The following ZMYM4 variants were observed in gnomAD, a reference collection of about 807,000 sequenced individuals.
ZMYM4 encodes the protein zinc finger MYM-type protein 4.
In ZMYM4, 31 loss-of-function variants were observed where a neutral mutation model predicts 183.2. The observed-to-expected ratio is 0.17, with a 90% CI of 0.13 to 0.23. The LOEUF is 0.23. ZMYM4 is among the 10% of genes least tolerant of loss of function. The pLI, the probability that ZMYM4 is intolerant of heterozygous loss-of-function variation, is 1.00. For synonymous variants in ZMYM4, 592 were observed against 631.2 expected (o/e 0.94, Z 0.93); for missense variants, 1,273 against 1,840.3 (o/e 0.69, Z 5.64).
At chr1:35,278,942 AT>A (rs1271194874) in intron 1 of ZMYM4, among the ~76,000 whole-genome samples, 1 of 152,198 alleles carries the variant, frequency 6.6e-6, no homozygotes, top group Non-Finnish European at 1.5e-5. Context: ...AGACATTCCC[AT>A]TCAAAAGGAA....
At chr1:35,306,646 G>C (rs1233899352) in intron 1 of ZMYM4, among the ~76,000 whole-genome samples, 1 of 152,092 alleles carries the variant, frequency 6.6e-6, no homozygotes, top group Non-Finnish European at 1.5e-5. Context: ...GTAACCATAT[G>C]ATAAAGTTCA....
At chr1:35,370,727 CTTTTTT>C (rs3066096) in intron 7 of ZMYM4, 100 bp downstream of exon 7, 109 of 283,448 alleles carry the variant, frequency 3.8e-4, no homozygotes, top group Middle Eastern at 1.3e-3. Flanking sequence ...ACATTTATTC[CTTTTTT>C]TTTTTTTTTT....
chr1:35,364,051 T>C (rs183423017), intron 5 of ZMYM4, among the ~76,000 whole-genome samples: 121 of 152,296 alleles, frequency 7.9e-4, no homozygotes, highest in African/African-American at 2.0e-3. Flanking sequence ...AATCAGAGGT[T>C]CCAGTGGCTG....
At chr1:35,343,578 A>G (rs1558041015) in intron 2 of ZMYM4, among the ~76,000 whole-genome samples, 1 of 152,140 alleles carries the variant, frequency 6.6e-6, no homozygotes. Flanking sequence ...TTAAATCAGA[A>G]GTTTGGCTGG....
chr1:35,387,561 G>A lies in ZMYM4; in HGVS notation c.2220G>A (p.Glu740=), dbSNP rs750155951. Residue 740 remains glutamate, a synonymous_variant, in exon 13 of 30, where the codon GAG becomes GAA. Transcript: ENST00000314607. ...GTAAAATTGAGAAAATTGTAAAGGAGACTGTTCGGTTCTCAGGTGCTGACA... is the reference window on the plus strand; with the variant it reads ...GTAAAATTGAGAAAATTGTAAAGGAAACTGTTCGGTTCTCAGGTGCTGACA... ...EYCKIEKIVK[E]TVRFSGADKS... is the part of the protein sequence containing the mutation. 4 of 1,613,658 alleles carry A rather than the reference G, an allele frequency of 2.5e-6. No individual in the cohort carries two copies. Among genetic ancestry groups the A allele is most frequent in the Admixed American group, 1.7e-5 (1 of 59,948 alleles).
At chr1:35,350,517 C>T (rs1444561712) in intron 2 of ZMYM4, among the ~76,000 whole-genome samples, 1 of 152,172 alleles carries the variant, frequency 6.6e-6, no homozygotes, top group African/African-American at 2.4e-5. Flanking sequence ...GAACTCCTGA[C>T]CTCAGGTAAT....
intron 7 of ZMYM4, among the ~76,000 whole-genome samples, chr1:35,371,061 CAG>C (rs1491152923): frequency 5.7e-4 from 69 of 121,266 alleles, no homozygotes; most frequent in African/African-American, 8.8e-4. Context: ...AAATGGCTTC[CAG>C]TGTGTGTGTG....
chr1:35,362,997 C>T (rs1381445766), intron 5 of ZMYM4, among the ~76,000 whole-genome samples: 1 of 152,184 alleles, frequency 6.6e-6, no homozygotes, highest in Non-Finnish European at 1.5e-5. Flanking sequence ...CTGGTGAAAT[C>T]CCATCTCTAC....
At chr1:35,276,390 C>T (rs1222899735) in intron 1 of ZMYM4, among the ~76,000 whole-genome samples, 1 of 151,804 alleles carries the variant, frequency 6.6e-6, no homozygotes. Context: ...TAAATACTTC[C>T]GTGTGTATTT....
intron 1 of ZMYM4, among the ~76,000 whole-genome samples, chr1:35,301,545 C>CAAA (rs531815209): frequency 1.2e-5 from 1 of 80,658 alleles, no homozygotes; most frequent in African/African-American, 4.8e-5. Flanking sequence ...GAGGGTGTCT[C>CAAA]AAAAAAAAAA....
intron 1 of ZMYM4, among the ~76,000 whole-genome samples, chr1:35,284,126 G>A (rs1270953958): frequency 6.6e-6 from 1 of 151,700 alleles, no homozygotes; most frequent in East Asian, 1.9e-4. Context: ...ACAGGTGCCC[G>A]CCACCGCGCC....
intron 15 of ZMYM4, among the ~76,000 whole-genome samples, chr1:35,391,900 G>T (rs1339274470): frequency 1.3e-5 from 2 of 151,230 alleles, no homozygotes; most frequent in Admixed American, 1.3e-4. Flanking sequence ...AATTAGCTGG[G>T]TGTGGTGCTG....
intron 2 of ZMYM4, among the ~76,000 whole-genome samples, chr1:35,356,478 A>G (rs1027136658): frequency 2.0e-5 from 3 of 152,174 alleles, no homozygotes; most frequent in African/African-American, 7.2e-5. Flanking sequence ...TGTTGTCTCA[A>G]TTGATTATTT....
intron 7 of ZMYM4, 172 bp downstream of exon 7, chr1:35,370,799 C>G: frequency 2.7e-6 from 2 of 742,416 alleles, no homozygotes; most frequent in Admixed American, 5.6e-5. Flanking sequence ...GCTTTTCAGT[C>G]TTCCAGGTGC....
chr1:35,410,977 G>A (rs971022572), intron 26 of ZMYM4, among the ~76,000 whole-genome samples: 4 of 151,548 alleles, frequency 2.6e-5, no homozygotes, highest in African/African-American at 7.3e-5. Flanking sequence ...TATTTAGGTC[G>A]TTCATTTATT....
At chr1:35,409,536 A>T (rs1179946268) in intron 26 of ZMYM4, among the ~76,000 whole-genome samples, 1 of 152,054 alleles carries the variant, frequency 6.6e-6, no homozygotes, top group Non-Finnish European at 1.5e-5. Flanking sequence ...GACATTGGGA[A>T]TCTTTTTGTG....
intron 1 of ZMYM4, among the ~76,000 whole-genome samples, chr1:35,272,832 C>T (rs1639682262): frequency 6.6e-6 from 1 of 152,160 alleles, no homozygotes; most frequent in African/African-American, 2.4e-5. Context: ...CCTCAGCCTC[C>T]CGAGTAGCTG....
intron 1 of ZMYM4, among the ~76,000 whole-genome samples, chr1:35,299,732 C>G (rs1641187583): frequency 6.6e-6 from 1 of 151,816 alleles, no homozygotes; most frequent in Non-Finnish European, 1.5e-5. Context: ...CAAAGTTACA[C>G]TCTTATGCAA....
At chr1:35,366,016 A>G (rs1016888039) in intron 5 of ZMYM4, 2 of 152,210 alleles carry the variant, frequency 1.3e-5, no homozygotes, top group Non-Finnish European at 2.9e-5. Context: ...CACAGAGACT[A>G]AGAGAGCTGA....
Sources: allele counts gnomAD v4.1 joint callset (sites outside exome capture counted in the v4.1 genomes callset), GRCh38; gene constraint gnomAD v4.1.1; transcripts MANE v1.5; gene names NCBI Gene and HGNC (gene_info 2026-07-23, HGNC 2026-07-21).